SEC24B: variants seen among roughly 807,000 people sequenced by gnomAD.
The protein encoded by SEC24B is protein transport protein Sec24B.
Under a neutral mutation model 142.8 loss-of-function variants are expected in SEC24B, and 45 were observed. The ratio of observed to expected loss-of-function variants is 0.32; its 90% CI spans 0.25 to 0.40. The LOEUF is 0.40. Ranked by LOEUF, SEC24B falls within the 10% of genes least tolerant of loss-of-function variation. The pLI is 1.00. For synonymous variants in SEC24B, 574 were observed against 568.2 expected, an observed-to-expected ratio of 1.01 and a Z score of -0.15; for missense variants, 1,409 against 1,526.8, an observed-to-expected ratio of 0.92 and a Z score of 1.29.
rs1437701955 is a variant in SEC24B, at chr4:109,483,015, ATGTT to A, written c.1165+1236_1165+1239del. 3.8e-4 allele frequency among the ~76,000 whole-genome samples: 35 copies of A among 92,230 alleles called. 1 individual carries two copies. Among genetic ancestry groups the A allele is most frequent in the African/African-American group, 1.8e-3 (33 of 18,506 alleles). 60.5% of individuals were successfully genotyped at this position (92,230 alleles called of 152,430 possible). ...ACACACACACACACATATTATACATATGTTTTTTATATATGTATTTATATATATG... is the reference window on the plus strand; with the variant it reads ...ACACACACACACACATATTATACATATTTTATATATGTATTTATATATATG... On this transcript the variant is annotated intron_variant, in intron 4 of 23. Transcript: ENST00000265175.
At chr4:109,469,396 A>C (rs2125950194) in intron 2 of SEC24B, among the ~76,000 whole-genome samples, 1 of 152,344 alleles carries the variant, frequency 6.6e-6, no homozygotes, top group East Asian at 1.9e-4. Context: ...TAAAATAGTG[A>C]GTAAAAACAC....
intron 9 of SEC24B, among the ~76,000 whole-genome samples, chr4:109,513,472 C>G (rs1020590650): frequency 6.6e-6 from 1 of 150,920 alleles, no homozygotes; most frequent in South Asian, 2.1e-4. Context: ...TTAGTAGAGA[C>G]GAGGTTTCAC....
At chr4:109,460,608 C>T (rs1367637724) in intron 1 of SEC24B, among the ~76,000 whole-genome samples, 1 of 151,940 alleles carries the variant, frequency 6.6e-6, no homozygotes, top group Non-Finnish European at 1.5e-5. Context: ...AATTCCGGCC[C>T]ATTTAGTTCC....
intron 1 of SEC24B, among the ~76,000 whole-genome samples, chr4:109,440,229 C>T (rs949676587): frequency 1.3e-5 from 2 of 151,900 alleles, no homozygotes; most frequent in African/African-American, 4.8e-5. Context: ...TAGTTGTTTG[C>T]AGTGTCTTTT....
intron 4 of SEC24B, among the ~76,000 whole-genome samples, chr4:109,483,788 A>G (rs550856336): frequency 6.6e-6 from 1 of 152,190 alleles, no homozygotes; most frequent in African/African-American, 2.4e-5. Context: ...TGTTTCTGAA[A>G]TTTTTTTTGT....
At chr4:109,459,030 TG>T (rs993488507) in intron 1 of SEC24B, among the ~76,000 whole-genome samples, 11 of 152,200 alleles carry the variant, frequency 7.2e-5, no homozygotes, top group Admixed American at 2.0e-4. Context: ...AGATCACAGA[TG>T]AATAATTACT....
chr4:109,495,491 G>C (rs1290786670), intron 6 of SEC24B, among the ~76,000 whole-genome samples: 4 of 152,190 alleles, frequency 2.6e-5, no homozygotes, highest in Non-Finnish European at 5.9e-5. Flanking sequence ...AGGAGAAACA[G>C]CTTTCTCCAT....
chr4:109,448,592 G>C (rs189626585), intron 1 of SEC24B, among the ~76,000 whole-genome samples: 1 of 151,744 alleles, frequency 6.6e-6, no homozygotes, highest in South Asian at 2.1e-4. Context: ...TTGCCACCAC[G>C]CCTGGCTAAT....
chr4:109,502,517 G>C (rs1736254059), intron 6 of SEC24B, among the ~76,000 whole-genome samples: 1 of 152,204 alleles, frequency 6.6e-6, no homozygotes, highest in Non-Finnish European at 1.5e-5. Context: ...ATAGATAAGA[G>C]ATAACTTTTT....
intron 1 of SEC24B, among the ~76,000 whole-genome samples, chr4:109,441,440 C>G (rs1728917912): frequency 6.6e-6 from 1 of 152,112 alleles, no homozygotes; most frequent in Non-Finnish European, 1.5e-5. Context: ...TCTTTTCTTT[C>G]TGTATTTTGA....
At chr4:109,439,255 T>G (rs556952242) in intron 1 of SEC24B, among the ~76,000 whole-genome samples, 1 of 152,188 alleles carries the variant, frequency 6.6e-6, no homozygotes, top group East Asian at 1.9e-4. Flanking sequence ...ATCGGGTCAG[T>G]CACTGGAAAC....
Position 109,462,962 on chromosome 4 carries a change from T to C in SEC24B, c.195T>C (p.Ile65=). 1 of 1,613,750 alleles carries C rather than the reference T, an allele frequency of 6.2e-7. No homozygotes were observed. The highest frequency in any genetic ancestry group is 2.2e-5 in the East Asian group (1 of 44,888). The change falls in exon 2 of 24, where the codon ATT becomes ATC. Residue 65 remains isoleucine, a synonymous_variant. Coordinates refer to ENST00000265175, the MANE Select transcript of SEC24B (RefSeq NM_006323.5). ...SGYGLHHQNY[I]APSGHYSQGP... is the part of the protein sequence containing the mutation. ...ATGGATTGCATCATCAAAACTATAT[T>C]GCTCCCTCAGGACATTACTCTCAAG...
At chr4:109,502,029 G>T (rs1736210120) in intron 6 of SEC24B, among the ~76,000 whole-genome samples, 1 of 152,216 alleles carries the variant, frequency 6.6e-6, no homozygotes, top group Non-Finnish European at 1.5e-5. Flanking sequence ...TGAAAATGTG[G>T]AGTAGGTGGT....
At position 109,494,656 on chromosome 4, in the gene SEC24B, G is replaced by A. The variant is rs374227762; in HGVS notation, c.1288G>A (p.Ala430Thr). 336 of 1,613,724 alleles carry A rather than the reference G, an allele frequency of 2.1e-4. No homozygotes were observed. The highest frequency in any genetic ancestry group is 2.6e-4 in the Non-Finnish European group (308 of 1,179,934). The change falls in exon 6 of 24, where the codon GCC (alanine) becomes ACC (threonine). Residue 430 changes from alanine (A) to threonine (T), a missense_variant. Transcript: ENST00000265175. ...AGCAAGCAGTCCTGCTCCTGATCCC[G>A]CCCCTGAACCTGATCCTGCTTCTGC... ...SSASSPAPDP[A>T]PEPDPASAPA... is the part of the protein sequence containing the mutation.
chr4:109,463,118 C>T lies in SEC24B; in HGVS notation c.351C>T (p.Tyr117=), dbSNP rs369371877. The T allele has an allele frequency of 5.2e-4, 839 of 1,614,012 alleles. No homozygotes were observed. The highest frequency in any genetic ancestry group is 6.7e-4 in the Non-Finnish European group (785 of 1,180,006). The change falls in exon 2 of 24, where the codon TAC becomes TAT. Residue 117 remains tyrosine (Y), a synonymous_variant. Coordinates refer to ENST00000265175, the MANE Select transcript of SEC24B (RefSeq NM_006323.5). The stretch of plus-strand genomic sequence containing the variant: ...AGCAACCAGGAGCACAGCAGTTGTA[C>T]AGCAGGGGTCCTCCTGCCCCTCATA... The part of the protein sequence containing the change: ...VNQQPGAQQL[Y]SRGPPAPHIV...
intron 1 of SEC24B, among the ~76,000 whole-genome samples, chr4:109,443,839 A>G (rs1173162064): frequency 6.6e-6 from 1 of 152,214 alleles, no homozygotes; most frequent in Non-Finnish European, 1.5e-5. Flanking sequence ...CACATTTTGA[A>G]TTGTCAGGTA....
chr4:109,514,723 A>T lies in SEC24B; in HGVS notation c.2013+867A>T, dbSNP rs193233232. Among the ~76,000 whole-genome samples the T allele has an allele frequency of 2.0e-5, 3 of 152,108 alleles. No homozygotes were observed. The South Asian group carries it at 6.2e-4, about 32-fold the overall frequency. On this transcript the variant is annotated intron_variant, in intron 10 of 23. Transcript: ENST00000265175. ...AAAAACAAACAAACAAACTCAAAAA[A>T]CTATATCTTCTGTAGCTACAACTCT... is the stretch of plus-strand genomic sequence containing the variant.
At chr4:109,523,965 G>A (rs922920871) in intron 14 of SEC24B, among the ~76,000 whole-genome samples, 16 of 152,070 alleles carry the variant, frequency 1.1e-4, no homozygotes, top group Non-Finnish European at 2.1e-4. Flanking sequence ...AATTGCATTT[G>A]AGAAGGAAGC....
intron 2 of SEC24B, among the ~76,000 whole-genome samples, chr4:109,467,803 G>C (rs1337046525): frequency 6.6e-6 from 1 of 152,138 alleles, no homozygotes; most frequent in Non-Finnish European, 1.5e-5. Context: ...ACCACATCTT[G>C]ATAGCGTATT....
Sources: gnomAD v4.1 joint callset for allele counts (sites outside exome capture counted in the v4.1 genomes callset) on GRCh38, gnomAD v4.1.1 for gene constraint, MANE v1.5 for transcripts, NCBI Gene and HGNC (gene_info 2026-07-23, HGNC 2026-07-21) for gene names.